KAT6B: variants seen among roughly 807,000 people sequenced by gnomAD.
The protein encoded by KAT6B is lysine acetyltransferase 6B.
KAT6B carries 10 observed loss-of-function variants against 187.5 expected under a neutral mutation model. That is an observed-to-expected ratio of 0.05 (90% CI 0.03 to 0.09). The LOEUF is 0.09. Among genes scored for constraint, KAT6B ranks in the 10% least tolerant of loss-of-function variants. KAT6B has a pLI of 1.00. For missense variants in KAT6B, 1,952 were observed against 2,558.9 expected, an observed-to-expected ratio of 0.76 and a Z score of 5.12; for synonymous variants, 861 against 926.8, an observed-to-expected ratio of 0.93 and a Z score of 1.29.
chr10:75,028,371 A>T (rs1250052197), intron 17 of KAT6B, 118 bp from the exon 18 acceptor site: 2 of 1,480,118 alleles, frequency 1.4e-6, no homozygotes, highest in African/African-American at 2.8e-5. Context: ...ATCAACTTTT[A>T]ACATGCCAAA....
intron 3 of KAT6B, among the ~76,000 whole-genome samples, chr10:74,856,054 T>C (rs1842799347): frequency 6.6e-6 from 1 of 152,124 alleles, no homozygotes; most frequent in African/African-American, 2.4e-5. Flanking sequence ...TGACAGTCCA[T>C]ATTTCCCCAA....
Position 75,031,365 on chromosome 10 carries a change from A to G in KAT6B, c.*319A>G, listed in dbSNP as rs1846309361. On this transcript the variant is annotated 3_prime_UTR_variant, in exon 18 of 18. Transcript: ENST00000287239. Reference sequence around the variant, plus strand: ...TGCCTGCTTCTGTTAAACAATGTGGATATCAAGCCCCCCCAAATTATCTGT... The same window carrying G: ...TGCCTGCTTCTGTTAAACAATGTGGGTATCAAGCCCCCCCAAATTATCTGT... 9.6e-6 allele frequency: 4 copies of G among 415,798 alleles called. No homozygotes were observed. Among genetic ancestry groups the G allele is most frequent in the Non-Finnish European group, 1.8e-5 (4 of 228,238 alleles). The allele number at this position is 415,798 out of a possible 1,614,324, so 25.8% of individuals were successfully genotyped here. A position where few individuals can be genotyped will look rare whatever the true frequency, so the allele number is the denominator to read the frequency against.
In KAT6B at chr10:74,958,712, G is replaced by T. The variant is rs77851447; in HGVS notation, c.622-1258G>T. On this transcript the variant is annotated intron_variant, in intron 3 of 17. Transcript: ENST00000287239. ...ATACGAGAGTTAAAGGGTGCTAGGG[G>T]ACTAGACAAATGTTTTGTTGTTTCT... 3.9e-4 allele frequency among the ~76,000 whole-genome samples: 59 copies of T among 152,242 alleles called. No homozygotes were observed. The East Asian group carries it at 0.011, about 28-fold the overall frequency.
chr10:75,020,796 C>G lies in KAT6B; in HGVS notation c.2844C>G (p.Ile948Met). 2 of 1,614,008 alleles carry G rather than the reference C, an allele frequency of 1.2e-6. No individual in the cohort carries two copies. The highest frequency in any genetic ancestry group is 1.7e-6 in the Non-Finnish European group (2 of 1,180,014). The change falls in exon 14 of 18, where the codon ATC (isoleucine) becomes ATG (methionine). Residue 948 changes from isoleucine to methionine, a missense_variant. Physicochemically the swap from Ile to Met is conservative, Grantham distance 10. Transcript: ENST00000287239. ...IATTLQHLHM[I>M]DKRDGRFVII... ...CCACTCTGCAGCACCTCCACATGAT[C>G]GACAAGAGAGATGGCAGGTGAGTCC...
chr10:74,861,914 A>C (rs978900958), intron 3 of KAT6B, among the ~76,000 whole-genome samples: 1 of 152,188 alleles, frequency 6.6e-6, no homozygotes, highest in Admixed American at 6.5e-5. Flanking sequence ...AGTAGTTCTA[A>C]AATTTACCTT....
chr10:74,957,275 C>T (rs1398213320), intron 3 of KAT6B, among the ~76,000 whole-genome samples: 1 of 152,192 alleles, frequency 6.6e-6, no homozygotes, highest in Non-Finnish European at 1.5e-5. Flanking sequence ...ATCAATAATT[C>T]AGCAGGGCAG....
intron 3 of KAT6B, among the ~76,000 whole-genome samples, chr10:74,916,244 G>T (rs1275619881): frequency 6.6e-6 from 1 of 152,176 alleles, no homozygotes; most frequent in East Asian, 1.9e-4. Context: ...ACATCATAAT[G>T]CCTTAATGAT....
At chr10:74,906,860 T>G (rs1846798790) in intron 3 of KAT6B, among the ~76,000 whole-genome samples, 1 of 152,208 alleles carries the variant, frequency 6.6e-6, no homozygotes, top group Non-Finnish European at 1.5e-5. Flanking sequence ...GAGTGCCCTC[T>G]GCTCTTGAGG....
At chr10:75,015,462 T>C (rs777753052) in intron 13 of KAT6B, among the ~76,000 whole-genome samples, 3 of 152,188 alleles carry the variant, frequency 2.0e-5, no homozygotes, top group Non-Finnish European at 4.4e-5. Flanking sequence ...CGAGGAGATA[T>C]AAATAGCCTG....
intron 13 of KAT6B, among the ~76,000 whole-genome samples, chr10:74,994,384 C>A (rs1843290413): frequency 6.6e-6 from 1 of 152,120 alleles, no homozygotes; most frequent in African/African-American, 2.4e-5. Context: ...TCCTTTCTGC[C>A]ACAGCATGAT....
intron 3 of KAT6B, among the ~76,000 whole-genome samples, chr10:74,882,834 G>A (rs927738376): frequency 1.3e-5 from 2 of 152,178 alleles, no homozygotes; most frequent in Non-Finnish European, 2.9e-5. Flanking sequence ...TTTTCTGAGG[G>A]TTGATGTGTT....
At chr10:75,000,181 T>G (rs1261839476) in intron 13 of KAT6B, among the ~76,000 whole-genome samples, 1 of 151,956 alleles carries the variant, frequency 6.6e-6, no homozygotes, top group African/African-American at 2.4e-5. Context: ...TTTTTTTTTT[T>G]TCTTTTTTTA....
At position 74,972,578 on chromosome 10, in the gene KAT6B, A is replaced by G. The variant is rs1254659411; in HGVS notation, c.1000A>G (p.Ile334Val). The G allele has an allele frequency of 1.2e-6, 2 of 1,613,376 alleles. No homozygotes were observed. Among genetic ancestry groups the G allele is most frequent in the Non-Finnish European group, 1.7e-6 (2 of 1,179,392 alleles). ...RKLLHEKAAQ[I>V]KRRYAKPIGR... ...ACTACTTCATGAGAAAGCTGCACAA[A>G]TAAAACGACGATATGCAAAACCCAT... is the stretch of plus-strand genomic sequence containing the variant. Residue 334 changes from isoleucine to valine, a missense_variant, in exon 7 of 18, where the codon ATA becomes GTA. Around this residue, in one of 9 missense-constraint regions of KAT6B, gnomAD observed 417 missense variants for 508.9 expected, o/e 0.82. Coordinates refer to ENST00000287239, the MANE Select transcript of KAT6B (RefSeq NM_012330.4).
chr10:74,953,654 A>T (rs552808601), intron 3 of KAT6B, among the ~76,000 whole-genome samples: 259 of 152,214 alleles, frequency 1.7e-3, no homozygotes, highest in Non-Finnish European at 2.8e-3. Flanking sequence ...AGAAGTATGG[A>T]TCTATAGGGG....
At chr10:74,891,501 AAC>A (rs1281710438) in intron 3 of KAT6B, among the ~76,000 whole-genome samples, 2 of 152,254 alleles carry the variant, frequency 1.3e-5, no homozygotes, top group African/African-American at 2.4e-5. Flanking sequence ...TTTAAAAAAT[AAC>A]AGTTTCACTA....
intron 3 of KAT6B, among the ~76,000 whole-genome samples, chr10:74,880,680 A>G (rs1376568112): frequency 1.3e-5 from 2 of 152,268 alleles, no homozygotes; most frequent in South Asian, 2.1e-4. Context: ...CAGTGGCGCA[A>G]TCTCGGCTCA....
intron 6 of KAT6B, among the ~76,000 whole-genome samples, chr10:74,971,191 C>T (rs1229693518): frequency 1.3e-5 from 2 of 152,054 alleles, no homozygotes; most frequent in Admixed American, 6.6e-5. Context: ...TTAACCAGTC[C>T]CTTAGGGTGG....
intron 3 of KAT6B, among the ~76,000 whole-genome samples, chr10:74,879,163 T>A (rs1461139163): frequency 6.6e-6 from 1 of 152,188 alleles, no homozygotes; most frequent in East Asian, 1.9e-4. Context: ...TTTGCATCAG[T>A]CACTCTACAC....
At chr10:74,941,409 A>G (rs1265334886) in intron 3 of KAT6B, among the ~76,000 whole-genome samples, 1 of 152,260 alleles carries the variant, frequency 6.6e-6, no homozygotes, top group African/African-American at 2.4e-5. Flanking sequence ...GGTCCTTTGA[A>G]ACATCAATAA....
Sources: gnomAD v4.1 joint callset for allele counts (sites outside exome capture counted in the v4.1 genomes callset) on GRCh38, gnomAD v4.1.1 for gene constraint, gnomAD v4.1.1 regional missense constraint, MANE v1.5 for transcripts, NCBI Gene and HGNC (gene_info 2026-07-23, HGNC 2026-07-21) for gene names.